PRKAR1B: variants seen among roughly 807,000 people sequenced by gnomAD.
The protein encoded by PRKAR1B is protein kinase cAMP-dependent type I regulatory subunit beta.
A neutral mutation model predicts 46.5 loss-of-function variants in PRKAR1B; 22 were observed. That is an observed-to-expected ratio of 0.47 (90% confidence interval 0.34 to 0.68). The LOEUF is 0.68. PRKAR1B is among the 30% of genes least tolerant of loss of function. PRKAR1B has a pLI of 0.01. For synonymous variants in PRKAR1B, 259 were observed against 217.7 expected (o/e 1.19, Z -1.67); for missense variants, 445 against 535.6 (o/e 0.83, Z 1.67).
chr7:621,098 C>A (rs538833576), intron 4 of PRKAR1B, among the ~76,000 whole-genome samples: 12 of 152,218 alleles, frequency 7.9e-5, no homozygotes, highest in Non-Finnish European at 1.6e-4. Context: ...GTTGAACCAT[C>A]CTTGAATTCT....
intron 2 of PRKAR1B, among the ~76,000 whole-genome samples, chr7:700,298 G>T (rs973277366): frequency 6.6e-6 from 1 of 152,204 alleles, no homozygotes; most frequent in Admixed American, 6.5e-5. Flanking sequence ...TGTTGGCATC[G>T]TCACCCACCA....
Position 726,799 on chromosome 7 carries a change from C to G in PRKAR1B, c.-23+411G>C, listed in dbSNP as rs1487987262. On this transcript the variant is annotated intron_variant, in intron 1 of 10. Coordinates refer to ENST00000537384, the MANE Select transcript of PRKAR1B (RefSeq NM_001164760.2). ...GGCCGAGACGGCTGAGGCGGTGGAG[C>G]TGAGCCGCGCCCTGAGCCGCCTGCT... 16 of 1,302,460 alleles carry G rather than the reference C, an allele frequency of 1.2e-5. No individual in the cohort carries two copies. Among genetic ancestry groups the G allele is most frequent in the Non-Finnish European group, 1.5e-5 (15 of 1,028,862 alleles). The allele number at this position is 1,302,460 out of a possible 1,614,324, so 80.7% of individuals were successfully genotyped here.
intron 9 of PRKAR1B, among the ~76,000 whole-genome samples, chr7:554,745 G>A (rs932357770): frequency 4.7e-5 from 7 of 150,480 alleles, no homozygotes; most frequent in East Asian, 2.0e-4. Flanking sequence ...GGGAGGCCAC[G>A]GATCCCACAG....
At chr7:580,055 G>A (rs539884461) in intron 8 of PRKAR1B, among the ~76,000 whole-genome samples, 1 of 151,716 alleles carries the variant, frequency 6.6e-6, no homozygotes, top group East Asian at 2.0e-4. Context: ...AACACAGTGA[G>A]ATCTCGTCTC....
At chr7:631,718 C>A (rs1415394387) in intron 4 of PRKAR1B, among the ~76,000 whole-genome samples, 1 of 152,070 alleles carries the variant, frequency 6.6e-6, no homozygotes, top group East Asian at 1.9e-4. Context: ...CTTTGGGAGT[C>A]CGAGGAGAGG....
chr7:670,900 AC>A (rs1307413612), intron 4 of PRKAR1B, among the ~76,000 whole-genome samples: 1 of 152,184 alleles, frequency 6.6e-6, no homozygotes, highest in African/African-American at 2.4e-5. Context: ...GGGGCTCAGG[AC>A]CGAGGACACG....
chr7:584,646 C>T (rs1418862315), intron 7 of PRKAR1B, 78 bp from the exon 8 acceptor site: 3 of 1,257,380 alleles, frequency 2.4e-6, no homozygotes, highest in East Asian at 2.4e-5. Flanking sequence ...CAGATTTCCC[C>T]AAATGACTCT....
intron 9 of PRKAR1B, among the ~76,000 whole-genome samples, chr7:569,807 G>A (rs1038201127): frequency 6.6e-6 from 1 of 152,146 alleles, no homozygotes; most frequent in South Asian, 2.1e-4. Context: ...TCTCACACCC[G>A]TAATGACCCT....
At chr7:587,720 T>C (rs998270556) in intron 7 of PRKAR1B, among the ~76,000 whole-genome samples, 2 of 151,336 alleles carry the variant, frequency 1.3e-5, no homozygotes, top group African/African-American at 4.9e-5. Flanking sequence ...GCAGCCCTCC[T>C]GTGCAGCCCT....
intron 9 of PRKAR1B, among the ~76,000 whole-genome samples, chr7:568,515 G>A (rs1391495524): frequency 6.6e-6 from 1 of 152,268 alleles, no homozygotes; most frequent in Non-Finnish European, 1.5e-5. Flanking sequence ...CTTCCCAGAA[G>A]GACCAAGTGC....
At chr7:582,141 G>A (rs555024592) in intron 8 of PRKAR1B, among the ~76,000 whole-genome samples, 4 of 150,196 alleles carry the variant, frequency 2.7e-5, no homozygotes, top group Admixed American at 1.3e-4. Flanking sequence ...ACGAGACGTC[G>A]TAAGGCTGCG....
chr7:712,509 C>G (rs1482763547), intron 1 of PRKAR1B: 3 of 146,962 alleles, frequency 2.0e-5, no homozygotes, highest in Non-Finnish European at 4.5e-5. Context: ...CGCACTGCAG[C>G]GGCGCCGCCC....
chr7:676,085 G>A (rs17879130), intron 4 of PRKAR1B, among the ~76,000 whole-genome samples: 44,632 of 151,958 alleles, frequency 0.29, 7,449 homozygotes, highest in African/African-American at 0.44. Flanking sequence ...CCCGAGTATG[G>A]GAAAACAGGG....
intron 4 of PRKAR1B, among the ~76,000 whole-genome samples, chr7:648,854 G>A (rs953771161): frequency 4.0e-5 from 6 of 151,810 alleles, no homozygotes; most frequent in African/African-American, 1.5e-4. Flanking sequence ...AAGATATCAC[G>A]GAGAAAATTT....
intron 2 of PRKAR1B, among the ~76,000 whole-genome samples, chr7:681,323 T>TA (rs1159377371): frequency 0.039 from 4,460 of 114,230 alleles, 109 homozygotes; most frequent in African/African-American, 0.082. Context: ...CCTGTCTCTA[T>TA]AAAAAAAAAA....
At chr7:640,513 A>G (rs1784332052) in intron 4 of PRKAR1B, among the ~76,000 whole-genome samples, 1 of 152,226 alleles carries the variant, frequency 6.6e-6, no homozygotes, top group Non-Finnish European at 1.5e-5. Flanking sequence ...CTGTAATCCC[A>G]GCACTTCGGG....
intron 10 of PRKAR1B, among the ~76,000 whole-genome samples, 166 bp downstream of exon 10, chr7:551,223 G>A (rs1470639001): frequency 6.6e-6 from 1 of 152,126 alleles, no homozygotes; most frequent in Admixed American, 6.5e-5. Context: ...CTTCAATTTG[G>A]GGGAACAGGA....
chr7:623,681 A>G (rs1398205946), intron 4 of PRKAR1B, among the ~76,000 whole-genome samples: 1 of 152,104 alleles, frequency 6.6e-6, no homozygotes, highest in East Asian at 1.9e-4. Flanking sequence ...TTCTCATCTC[A>G]TATTCGGAGG....
chr7:622,436 A>C (rs889996944), intron 4 of PRKAR1B, among the ~76,000 whole-genome samples: 1 of 152,270 alleles, frequency 6.6e-6, no homozygotes, highest in African/African-American at 2.4e-5. Flanking sequence ...GTGACTTTTA[A>C]ACAAAAGCAT....
Sources: allele counts gnomAD v4.1 joint callset (sites outside exome capture counted in the v4.1 genomes callset), GRCh38; gene constraint gnomAD v4.1.1; transcripts MANE v1.5; gene names NCBI Gene and HGNC (gene_info 2026-07-23, HGNC 2026-07-21).